DTNB: variants seen among roughly 807,000 people sequenced by gnomAD.
The protein encoded by DTNB is DTN-B.
A neutral mutation model predicts 90.7 loss-of-function variants in DTNB; 63 were observed. The observed-to-expected ratio is 0.69, with a 90% CI of 0.57 to 0.86. The LOEUF is 0.86. Among genes scored for constraint, DTNB ranks in the 40% least tolerant of loss-of-function variants. DTNB has a pLI of 0.00. For synonymous variants in DTNB, 277 were observed against 286.7 expected, an observed-to-expected ratio of 0.97 and a Z score of 0.34; for missense variants, 744 against 807.1, an observed-to-expected ratio of 0.92 and a Z score of 0.95.
At chr2:25,493,339 T>G (rs962248555) in intron 9 of DTNB, among the ~76,000 whole-genome samples, 2 of 152,240 alleles carry the variant, frequency 1.3e-5, no homozygotes, top group Non-Finnish European at 2.9e-5. Context: ...CCTAGATACC[T>G]ATGTTACTTC....
At chr2:25,590,742 T>C (rs1376321736) in intron 6 of DTNB, among the ~76,000 whole-genome samples, 2 of 152,208 alleles carry the variant, frequency 1.3e-5, no homozygotes, top group African/African-American at 2.4e-5. Flanking sequence ...TGGGTGGCCA[T>C]GGGTAGGCTT....
chr2:25,408,560 A>AAAAAAAAAAAAAAAAAAAAAAAAAAAC (rs2045860529), intron 16 of DTNB, among the ~76,000 whole-genome samples: 2 of 151,336 alleles, frequency 1.3e-5, no homozygotes, highest in Non-Finnish European at 1.5e-5. Context: ...AAAAAAAAAA[A>AAAAAAAAAAAAAAAAAAAAAAAAAAAC]AAAGCACCAC....
intron 3 of DTNB, 26 bp downstream of exon 3, chr2:25,638,988 C>T (rs755457175): frequency 3.2e-6 from 5 of 1,545,868 alleles, no homozygotes; most frequent in Non-Finnish European, 4.4e-6. Context: ...ATCCAGCTAT[C>T]ACAGAAATGA....
At chr2:25,492,843 T>C (rs370158291) in intron 9 of DTNB, among the ~76,000 whole-genome samples, 142 of 151,854 alleles carry the variant, frequency 9.4e-4, no homozygotes, top group African/African-American at 3.2e-3. Context: ...AAGTGAGACC[T>C]TGTCTCCAAA....
intron 2 of DTNB, among the ~76,000 whole-genome samples, chr2:25,643,922 T>C (rs772316886): frequency 2.0e-5 from 3 of 152,098 alleles, no homozygotes; most frequent in African/African-American, 4.8e-5. Flanking sequence ...ATAAAACGGG[T>C]TGCAGTAAAG....
chr2:25,447,668 C>T (rs1471576255), intron 12 of DTNB, among the ~76,000 whole-genome samples: 3 of 151,858 alleles, frequency 2.0e-5, no homozygotes, highest in Non-Finnish European at 4.4e-5. Context: ...CCACACCTGG[C>T]TAATTTTTTT....
intron 1 of DTNB, among the ~76,000 whole-genome samples, chr2:25,662,699 C>CAT (rs2083495442): frequency 6.6e-6 from 1 of 150,670 alleles, no homozygotes; most frequent in Non-Finnish European, 1.5e-5. Context: ...CACACACACA[C>CAT]ACACACACAG....
At chr2:25,547,052 T>C (rs2082580253) in intron 8 of DTNB, among the ~76,000 whole-genome samples, 1 of 152,062 alleles carries the variant, frequency 6.6e-6, no homozygotes, top group Non-Finnish European at 1.5e-5. Context: ...TCTTGCTACA[T>C]TGCCCAGGCT....
At chr2:25,620,512 A>G (rs914244822) in intron 4 of DTNB, among the ~76,000 whole-genome samples, 10 of 152,264 alleles carry the variant, frequency 6.6e-5, no homozygotes, top group African/African-American at 2.2e-4. Context: ...AAAAAAATAA[A>G]TGAAAAGCAC....
intron 9 of DTNB, among the ~76,000 whole-genome samples, chr2:25,498,831 G>C (rs931673303): frequency 9.4e-5 from 6 of 63,612 alleles, no homozygotes; most frequent in Non-Finnish European, 1.7e-4. Flanking sequence ...CTGTGCAACA[G>C]AATGAAACCC....
chr2:25,435,422 C>T (rs1236421758), intron 12 of DTNB, among the ~76,000 whole-genome samples: 1 of 152,208 alleles, frequency 6.6e-6, no homozygotes, highest in Non-Finnish European at 1.5e-5. Context: ...CTTCCCTCGC[C>T]CTTGACCTCC....
At chr2:25,570,708 T>A (rs1002762298) in intron 8 of DTNB, among the ~76,000 whole-genome samples, 2 of 152,156 alleles carry the variant, frequency 1.3e-5, no homozygotes, top group Non-Finnish European at 2.9e-5. Context: ...CTGGCTTTCA[T>A]CCCACCTCAC....
chr2:25,617,633 C>T (rs1278719153), intron 4 of DTNB, among the ~76,000 whole-genome samples: 2 of 152,122 alleles, frequency 1.3e-5, no homozygotes, highest in African/African-American at 2.4e-5. Flanking sequence ...TGGTTCACGC[C>T]TGCAATCCCA....
intron 9 of DTNB, among the ~76,000 whole-genome samples, chr2:25,529,667 T>C (rs2077786402): frequency 6.6e-6 from 1 of 152,132 alleles, no homozygotes; most frequent in Non-Finnish European, 1.5e-5. Flanking sequence ...TCAATAGGAA[T>C]GATTTTCGGT....
intron 8 of DTNB, among the ~76,000 whole-genome samples, chr2:25,563,436 C>T (rs1282965388): frequency 6.6e-6 from 1 of 152,158 alleles, no homozygotes; most frequent in Non-Finnish European, 1.5e-5. Context: ...CCCTTTGAAG[C>T]ACCAAAATCT....
chr2:25,419,372 C>T (rs2048760190), intron 16 of DTNB, 143 bp downstream of exon 16: 1 of 1,312,076 alleles, frequency 7.6e-7, no homozygotes, highest in African/African-American at 1.5e-5. Flanking sequence ...TTTACAACAC[C>T]ATGGGGAGAA....
chr2:25,567,013 G>T (rs1033255494), intron 8 of DTNB, among the ~76,000 whole-genome samples: 2 of 152,234 alleles, frequency 1.3e-5, no homozygotes, highest in Admixed American at 6.5e-5. Flanking sequence ...GAGACAGGGG[G>T]CATGGCAGAC....
intron 8 of DTNB, 59 bp downstream of exon 8, chr2:25,576,779 G>A: frequency 6.7e-7 from 1 of 1,502,470 alleles, no homozygotes; most frequent in Non-Finnish European, 8.9e-7. Flanking sequence ...TGGCCCAGGT[G>A]CTGTTACTGA....
chr2:25,557,643 C>CA (rs898588403), intron 8 of DTNB, among the ~76,000 whole-genome samples: 3 of 152,184 alleles, frequency 2.0e-5, no homozygotes, highest in African/African-American at 7.2e-5. Context: ...CTAATATTCC[C>CA]AAGGGTGAAG....
Sources: gnomAD v4.1 joint callset for allele counts (sites outside exome capture counted in the v4.1 genomes callset) on GRCh38, gnomAD v4.1.1 for gene constraint, MANE v1.5 for transcripts, NCBI Gene and HGNC (gene_info 2026-07-23, HGNC 2026-07-21) for gene names.